Variants in DPP10 observed in about 807,000 individuals in gnomAD.
The protein encoded by DPP10 is inactive dipeptidyl peptidase 10.
A neutral mutation model predicts 120.9 loss-of-function variants in DPP10; 33 were observed. The ratio of observed to expected loss-of-function variants is 0.27; its 90% CI spans 0.21 to 0.37. The LOEUF (loss-of-function observed/expected upper bound fraction) is 0.37. Among genes scored for constraint, DPP10 ranks in the 10% least tolerant of loss-of-function variants. The probability of loss-of-function intolerance (pLI) is 1.00; values close to 1 mark genes in which losing one functional copy is unlikely to be tolerated. For synonymous variants in DPP10, 337 were observed against 326.1 expected (o/e 1.03, Z -0.36); for missense variants, 816 against 942.8 (o/e 0.87, Z 1.76).
chr2:115,381,484 T>C (rs2066350971), intron 3 of DPP10, among the ~76,000 whole-genome samples: 1 of 152,220 alleles, frequency 6.6e-6, no homozygotes, highest in Admixed American at 6.5e-5. Flanking sequence ...TCAACTTCTT[T>C]GCCTCTGCTT....
chr2:115,018,281 A>T (rs942943367), intron 1 of DPP10, among the ~76,000 whole-genome samples: 2 of 152,208 alleles, frequency 1.3e-5, no homozygotes, highest in Admixed American at 1.3e-4. Context: ...TAGTTCAACC[A>T]ATGTGGAAGA....
intron 2 of DPP10, among the ~76,000 whole-genome samples, chr2:115,335,361 C>G (rs2063060440): frequency 6.6e-6 from 1 of 151,596 alleles, no homozygotes; most frequent in Non-Finnish European, 1.5e-5. Context: ...ACATTAAAAA[C>G]TGTAAATTTC....
intron 1 of DPP10, chr2:115,162,080 C>T (rs1026173189): frequency 9.4e-6 from 14 of 1,484,368 alleles, no homozygotes; most frequent in Non-Finnish European, 1.3e-5. Flanking sequence ...GGCTCCAGTG[C>T]GCGCTCCGCC....
intron 3 of DPP10, among the ~76,000 whole-genome samples, chr2:115,482,987 A>C (rs1166098785): frequency 6.6e-6 from 1 of 152,096 alleles, no homozygotes; most frequent in Non-Finnish European, 1.5e-5. Flanking sequence ...AATACCAAAT[A>C]TATACTCAGT....
chr2:115,468,713 A>G (rs1347610407), intron 3 of DPP10: 4 of 374,022 alleles, frequency 1.1e-5, no homozygotes, highest in South Asian at 2.1e-5. Flanking sequence ...AAAAGCTATG[A>G]CCAAGGAAGA....
intron 3 of DPP10, among the ~76,000 whole-genome samples, chr2:115,386,048 C>A (rs1451496455): frequency 1.3e-5 from 2 of 152,158 alleles, no homozygotes; most frequent in Non-Finnish European, 2.9e-5. Flanking sequence ...TGTTTTAATT[C>A]TGTGGAATAA....
chr2:115,212,438 T>C (rs1174886535), intron 1 of DPP10, among the ~76,000 whole-genome samples: 1 of 152,166 alleles, frequency 6.6e-6, no homozygotes, highest in Admixed American at 6.6e-5. Flanking sequence ...TACTCCACTT[T>C]GGTCTGTATT....
intron 1 of DPP10, among the ~76,000 whole-genome samples, chr2:115,087,544 T>C (rs1573561229): frequency 7.0e-6 from 1 of 142,704 alleles, no homozygotes; most frequent in African/African-American, 2.5e-5. Flanking sequence ...TTTTCTTTTT[T>C]TTTTTTTTTT....
At chr2:115,214,591 ATTAC>A (rs1176449059) in intron 1 of DPP10, among the ~76,000 whole-genome samples, 1 of 152,184 alleles carries the variant, frequency 6.6e-6, no homozygotes, top group African/African-American at 2.4e-5. Flanking sequence ...ATATGAAATA[ATTAC>A]TTGTGTCACT....
chr2:115,269,087 C>T (rs1308659413), intron 1 of DPP10, among the ~76,000 whole-genome samples: 2 of 152,178 alleles, frequency 1.3e-5, no homozygotes, highest in Non-Finnish European at 2.9e-5. Flanking sequence ...GCAGAGTTTG[C>T]AGTGAGCGGA....
chr2:114,451,984 T>C (rs1357487231), intron 1 of DPP10, among the ~76,000 whole-genome samples: 2 of 152,174 alleles, frequency 1.3e-5, no homozygotes, highest in African/African-American at 2.4e-5. Flanking sequence ...TACCAGCTAC[T>C]TTCTTGAAGG....
In DPP10 at chr2:115,798,638, G is replaced by T. The variant is rs145681821; in HGVS notation, c.1700+7282G>T. On this transcript the variant is annotated intron_variant, in intron 19 of 25. Coordinates refer to ENST00000410059, the MANE Select transcript of DPP10 (RefSeq NM_020868.6). ...TTTTGAGCAACAAGTAATGTGCAAA[G>T]TTCCCTACTAAAAATTACAGGGCTT... 2.8e-3 allele frequency among the ~76,000 whole-genome samples: 422 copies of T among 152,180 alleles called. 3 individuals carry two copies. Among genetic ancestry groups the T allele is most frequent in the African/African-American group, 9.8e-3 (409 of 41,544 alleles).
chr2:115,490,237 C>T (rs2076029470), intron 3 of DPP10, among the ~76,000 whole-genome samples: 1 of 152,078 alleles, frequency 6.6e-6, no homozygotes. Context: ...GCTAAGGAGG[C>T]CTCAGGAAAC....
intron 3 of DPP10, among the ~76,000 whole-genome samples, chr2:115,448,591 C>A (rs1260094818): frequency 6.6e-6 from 1 of 151,978 alleles, no homozygotes; most frequent in Non-Finnish European, 1.5e-5. Flanking sequence ...CTTACTATTG[C>A]TGGACAAGAA....
intron 1 of DPP10, among the ~76,000 whole-genome samples, chr2:114,915,065 A>G (rs1574477851): frequency 6.6e-6 from 1 of 152,014 alleles, no homozygotes; most frequent in Admixed American, 6.6e-5. Flanking sequence ...CGGGAGGCGG[A>G]GCTTGCAGTG....
intron 3 of DPP10, among the ~76,000 whole-genome samples, chr2:115,430,714 T>G (rs1183823673): frequency 6.6e-6 from 1 of 152,168 alleles, no homozygotes; most frequent in Non-Finnish European, 1.5e-5. Context: ...CGAAAAGCCT[T>G]GGGCAGTACT....
chr2:115,582,227 G>A (rs576735899), intron 5 of DPP10, among the ~76,000 whole-genome samples: 17 of 152,064 alleles, frequency 1.1e-4, no homozygotes, highest in East Asian at 7.8e-4. Flanking sequence ...GCCTGCCAGC[G>A]TGTCGGAGGT....
chr2:115,286,337 G>T (rs2060370263), intron 1 of DPP10, among the ~76,000 whole-genome samples: 1 of 150,458 alleles, frequency 6.6e-6, no homozygotes, highest in Non-Finnish European at 1.5e-5. Flanking sequence ...ATTTGTAAAT[G>T]AAGATTTAAA....
chr2:115,459,739 A>T (rs2073867191), intron 3 of DPP10, among the ~76,000 whole-genome samples: 1 of 151,906 alleles, frequency 6.6e-6, no homozygotes. Flanking sequence ...ATATGAATTC[A>T]AATTGTGTGT....
Sources: gnomAD v4.1 joint callset for allele counts (sites outside exome capture counted in the v4.1 genomes callset) on GRCh38, gnomAD v4.1.1 for gene constraint, MANE v1.5 for transcripts, NCBI Gene and HGNC (gene_info 2026-07-23, HGNC 2026-07-21) for gene names.